The following IMMP2L variants were observed in gnomAD, a reference collection of about 807,000 sequenced individuals.
IMMP2L encodes mitochondrial inner membrane protease subunit 2.
IMMP2L carries 18 observed loss-of-function variants against 19.3 expected under a neutral mutation model. That is an observed-to-expected ratio of 0.93 (90% CI 0.64 to 1.38). IMMP2L has a LOEUF of 1.38. Ranked by LOEUF, IMMP2L falls within the 40% of genes most tolerant of loss-of-function variation. IMMP2L has a pLI of 0.00. For missense variants in IMMP2L, 233 were observed against 218.2 expected, an observed-to-expected ratio of 1.07 and a Z score of -0.43; for synonymous variants, 76 against 73.0, an observed-to-expected ratio of 1.04 and a Z score of -0.21.
chr7:110,706,157 C>A (rs995679848), intron 5 of IMMP2L, among the ~76,000 whole-genome samples: 1 of 152,086 alleles, frequency 6.6e-6, no homozygotes, highest in South Asian at 2.1e-4. Context: ...AGCTGGAGTG[C>A]AGTGGTGCAA....
intron 2 of IMMP2L, among the ~76,000 whole-genome samples, chr7:111,508,286 ATAAAAT>A (rs2132534037): frequency 6.6e-6 from 1 of 152,260 alleles, no homozygotes; most frequent in East Asian, 1.9e-4. Context: ...ATTTTAAAAA[ATAAAAT>A]TAAAAAAGTT....
intron 5 of IMMP2L, among the ~76,000 whole-genome samples, chr7:110,762,672 C>A (rs964389375): frequency 1.3e-5 from 2 of 152,070 alleles, no homozygotes; most frequent in Non-Finnish European, 2.9e-5. Context: ...TAGGAATGGA[C>A]TAGTGAAATC....
At chr7:111,294,431 G>GT (rs1352623236) in intron 3 of IMMP2L, among the ~76,000 whole-genome samples, 1 of 151,810 alleles carries the variant, frequency 6.6e-6, no homozygotes, top group Non-Finnish European at 1.5e-5. Context: ...TTCAATGGAA[G>GT]TTTTTTCAAA....
Position 111,162,919 on chromosome 7 carries a change from C to A in IMMP2L, c.240-199354G>T, listed in dbSNP as rs945574024. ...CTCAAGGCCACAGCCCTAGGATGACCCCATCCCACCTTAGAGCGCCTGCCT... is the reference window on the plus strand; with the variant it reads ...CTCAAGGCCACAGCCCTAGGATGACACCATCCCACCTTAGAGCGCCTGCCT... On this transcript the variant is annotated intron_variant, in intron 3 of 5. Transcript: ENST00000405709. Among the ~76,000 whole-genome samples the A allele has an allele frequency of 2.0e-5, 3 of 152,010 alleles. No homozygotes were observed. The East Asian group carries it at 5.8e-4, about 29-fold the overall frequency.
At chr7:110,718,624 T>C (rs1476230231) in intron 5 of IMMP2L, among the ~76,000 whole-genome samples, 1 of 152,124 alleles carries the variant, frequency 6.6e-6, no homozygotes, top group South Asian at 2.1e-4. Context: ...AGGTTGGCAA[T>C]CGTTTAAGTT....
intron 5 of IMMP2L, among the ~76,000 whole-genome samples, chr7:110,737,108 AGACTC>A (rs1378013205): frequency 5.6e-4 from 85 of 152,308 alleles, no homozygotes; most frequent in African/African-American, 2.0e-3. Flanking sequence ...CAGCCTGTAG[AGACTC>A]ACATCGTGAA....
At chr7:111,345,139 A>G (rs1827409792) in intron 3 of IMMP2L, among the ~76,000 whole-genome samples, 1 of 152,142 alleles carries the variant, frequency 6.6e-6, no homozygotes, top group Non-Finnish European at 1.5e-5. Flanking sequence ...ATAATATCAC[A>G]TAAAACATTA....
chr7:111,021,922 C>T (rs904384794), intron 3 of IMMP2L, among the ~76,000 whole-genome samples: 1 of 151,916 alleles, frequency 6.6e-6, no homozygotes, highest in Non-Finnish European at 1.5e-5. Context: ...CATCCGATCT[C>T]CTGAGACAGC....
intron 4 of IMMP2L, among the ~76,000 whole-genome samples, chr7:110,918,054 C>A (rs1813823224): frequency 6.6e-6 from 1 of 152,240 alleles, no homozygotes; most frequent in Non-Finnish European, 1.5e-5. Flanking sequence ...AACAACAGGC[C>A]AGGAGTAAAT....
At chr7:110,671,446 T>C (rs1336649950) in intron 5 of IMMP2L, among the ~76,000 whole-genome samples, 1 of 152,188 alleles carries the variant, frequency 6.6e-6, no homozygotes, top group African/African-American at 2.4e-5. Flanking sequence ...CAATCTCTGT[T>C]TTAGGAAACA....
intron 3 of IMMP2L, among the ~76,000 whole-genome samples, chr7:111,327,174 T>A (rs1825407838): frequency 6.6e-6 from 1 of 151,780 alleles, no homozygotes; most frequent in Non-Finnish European, 1.5e-5. Context: ...TTATATGAAG[T>A]ATCTAAAATA....
At chr7:111,378,945 A>G (rs1830941071) in intron 3 of IMMP2L, among the ~76,000 whole-genome samples, 1 of 151,904 alleles carries the variant, frequency 6.6e-6, no homozygotes, top group Non-Finnish European at 1.5e-5. Flanking sequence ...ATACAATTCC[A>G]TAAGAATACA....
At chr7:111,522,822 A>G (rs1473077632) in intron 1 of IMMP2L, among the ~76,000 whole-genome samples, 1 of 151,772 alleles carries the variant, frequency 6.6e-6, no homozygotes, top group African/African-American at 2.4e-5. Flanking sequence ...TATTGAAGAG[A>G]TATTTGCACT....
intron 3 of IMMP2L, among the ~76,000 whole-genome samples, chr7:111,239,300 A>G (rs1445517376): frequency 6.6e-6 from 1 of 151,892 alleles, no homozygotes; most frequent in African/African-American, 2.4e-5. Context: ...CTTTATGATC[A>G]AGCCTCAAAA....
At chr7:110,936,226 G>C (rs1406675910) in intron 4 of IMMP2L, among the ~76,000 whole-genome samples, 1 of 152,160 alleles carries the variant, frequency 6.6e-6, no homozygotes, top group African/African-American at 2.4e-5. Flanking sequence ...AAGAGCTTCT[G>C]CACAGCAAAA....
chr7:111,445,802 C>T (rs1838310781), intron 3 of IMMP2L, among the ~76,000 whole-genome samples: 1 of 152,152 alleles, frequency 6.6e-6, no homozygotes, highest in Non-Finnish European at 1.5e-5. Flanking sequence ...GTACCGGGTT[C>T]ATCTCACTAG....
In IMMP2L at chr7:111,486,631, C is replaced by T. The variant is rs540857871; in HGVS notation, c.239+607G>A. On this transcript the variant is annotated intron_variant, in intron 3 of 5. Coordinates refer to ENST00000405709, the MANE Select transcript of IMMP2L (RefSeq NM_032549.4). The stretch of plus-strand genomic sequence containing the variant: ...AATCTCCAAACCATTTAGGCCTGTC[C>T]TAGGACTATGTATTATATCATTGTG... Among the ~76,000 whole-genome samples, 8 of 152,256 alleles carry T rather than the reference C, an allele frequency of 5.3e-5. No homozygotes were observed. In the East Asian group the frequency reaches 1.5e-3, roughly 29 times the overall value.
intron 3 of IMMP2L, among the ~76,000 whole-genome samples, chr7:110,966,183 G>T (rs990556125): frequency 3.9e-5 from 6 of 151,974 alleles, no homozygotes; most frequent in African/African-American, 1.4e-4. Context: ...ATTATTTGTG[G>T]CATGACTTCA....
intron 3 of IMMP2L, among the ~76,000 whole-genome samples, chr7:111,223,326 C>A (rs1586906253): frequency 1.3e-5 from 2 of 151,206 alleles, no homozygotes; most frequent in South Asian, 4.2e-4. Context: ...AAACTGGATG[C>A]TGCAAACATG....
Sources: gnomAD v4.1 joint callset for allele counts (sites outside exome capture counted in the v4.1 genomes callset) on GRCh38, gnomAD v4.1.1 for gene constraint, MANE v1.5 for transcripts, NCBI Gene and HGNC (gene_info 2026-07-23, HGNC 2026-07-21) for gene names.